The following TRPV4 variants were observed in gnomAD, a reference collection of about 807,000 sequenced individuals.
The protein encoded by TRPV4 is transient receptor potential cation channel subfamily V member 4.
TRPV4 carries 58 observed loss-of-function variants against 84.1 expected under a neutral mutation model. The ratio of observed to expected loss-of-function variants is 0.69; its 90% CI spans 0.56 to 0.86. TRPV4 has a LOEUF of 0.86. TRPV4 is among the 40% of genes least tolerant of loss of function. TRPV4 has a pLI of 0.00. For synonymous variants in TRPV4, 489 were observed against 500.9 expected (o/e 0.98, Z 0.32); for missense variants, 879 against 1,181.1 (o/e 0.74, Z 3.75).
chr12:109,783,318 C>T lies in TRPV4; in HGVS notation c.*303G>A, dbSNP rs909596433. The stretch of plus-strand genomic sequence containing the variant: ...CAGGTTCCAGCTGGGGCAGGGGTCA[C>T]GTCGCTTCCTGAGAGCAGAGCAAAT... On this transcript the variant is annotated 3_prime_UTR_variant, in exon 16 of 16. Transcript: ENST00000261740. This position sits in a 1 kb window ranked among gnomAD's most constrained non-coding sequence, Gnocchi z 4.6. 3.3e-5 allele frequency: 11 copies of T among 336,512 alleles called. No homozygotes were observed. The highest frequency in any genetic ancestry group is 5.4e-5 in the Non-Finnish European group (10 of 184,232). The allele number at this position is 336,512 out of a possible 1,614,324, so 20.8% of individuals were successfully genotyped here. A position where few individuals can be genotyped will look rare whatever the true frequency, so the allele number is the denominator to read the frequency against.
At chr12:109,833,091 C>CA (rs1332446932) in intron 1 of TRPV4, among the ~76,000 whole-genome samples, 1 of 152,190 alleles carries the variant, frequency 6.6e-6, no homozygotes, top group Non-Finnish European at 1.5e-5. Flanking sequence ...GCCCTCCCCC[C>CA]AGACCTGCTA....
intron 1 of TRPV4, among the ~76,000 whole-genome samples, chr12:109,833,002 C>A (rs1436607602): frequency 6.6e-6 from 1 of 152,178 alleles, no homozygotes; most frequent in Non-Finnish European, 1.5e-5. Flanking sequence ...CCCCGAAATC[C>A]CTCTTCCAAG....
intron 3 of TRPV4, among the ~76,000 whole-genome samples, chr12:109,804,297 A>G (rs1162458797): frequency 1.3e-5 from 2 of 152,188 alleles, no homozygotes; most frequent in African/African-American, 2.4e-5. Flanking sequence ...TGAATCAAGG[A>G]CAGGGCAAAA....
At position 109,798,156 on chromosome 12, in the gene TRPV4, T is replaced by G. The variant is rs1170944730; in HGVS notation, c.1152+458A>C. Among the ~76,000 whole-genome samples the G allele has an allele frequency of 1.3e-5, 2 of 152,138 alleles. No individual in the cohort carries two copies. Among genetic ancestry groups the G allele is most frequent in the Non-Finnish European group, 2.9e-5 (2 of 68,022 alleles). ...TAGAGGCCCGGGATGCAGATCAATG[T>G]CTGGCAATAGCACAAGACGGTCCCC... is the stretch of plus-strand genomic sequence containing the variant. On this transcript the variant is annotated intron_variant, in intron 6 of 15. Coordinates refer to ENST00000261740, the MANE Select transcript of TRPV4 (RefSeq NM_021625.5). The surrounding 1 kb of genome is among the most constrained non-coding windows in gnomAD (Gnocchi z 5.0).
chr12:109,829,031 T>C (rs1892342858), intron 1 of TRPV4, among the ~76,000 whole-genome samples: 1 of 152,010 alleles, frequency 6.6e-6, no homozygotes, highest in Non-Finnish European at 1.5e-5. Context: ...AAAAAACCTT[T>C]TTTTTTAATA....
At chr12:109,795,637 A>G (rs1359858577) in intron 7 of TRPV4, among the ~76,000 whole-genome samples, 4 of 152,230 alleles carry the variant, frequency 2.6e-5, no homozygotes, top group East Asian at 1.9e-4. Context: ...TCATTTGAAT[A>G]TGGTATGTTT....
intron 1 of TRPV4, among the ~76,000 whole-genome samples, chr12:109,824,835 C>T (rs890566066): frequency 2.6e-5 from 4 of 152,180 alleles, no homozygotes; most frequent in African/African-American, 9.7e-5. Context: ...CGGAGAACTC[C>T]AGAGAGGATT....
intron 4 of TRPV4, among the ~76,000 whole-genome samples, chr12:109,800,968 T>C (rs916177535): frequency 6.6e-6 from 1 of 152,246 alleles, no homozygotes; most frequent in Non-Finnish European, 1.5e-5. Context: ...GAAGGATACC[T>C]AGTTTGTGGA....
chr12:109,820,697 A>AT lies in TRPV4; in HGVS notation c.-31-5871dup, dbSNP rs373735945. 8.6e-3 allele frequency among the ~76,000 whole-genome samples: 1,302 copies of AT among 150,730 alleles called. 27 individuals are homozygous for AT. Among genetic ancestry groups the AT allele is most frequent in the African/African-American group, 0.031 (1,254 of 40,974 alleles). ...CCACCACGCCCGGCTAATTTTTTGT[A>AT]TTTTTTTAGTACAGACGGGGTTTCA... is the stretch of plus-strand genomic sequence containing the variant. On this transcript the variant is annotated intron_variant, in intron 1 of 15. Coordinates refer to ENST00000261740, the MANE Select transcript of TRPV4 (RefSeq NM_021625.5).
At chr12:109,790,054 A>G (rs946949105) in intron 12 of TRPV4, among the ~76,000 whole-genome samples, 9 of 152,216 alleles carry the variant, frequency 5.9e-5, no homozygotes, top group Admixed American at 5.9e-4. Flanking sequence ...CCTGACCTGA[A>G]TCCCAAACTG....
At chr12:109,809,877 GAGGCCATGCTCA>G (rs1891414602) in intron 2 of TRPV4, among the ~76,000 whole-genome samples, 1 of 152,234 alleles carries the variant, frequency 6.6e-6, no homozygotes, top group East Asian at 1.9e-4. Context: ...TGAGACAAAT[GAGGCCATGCTCA>G]TATGTACCTG....
At chr12:109,818,415 T>C (rs2136685450) in intron 1 of TRPV4, among the ~76,000 whole-genome samples, 1 of 151,326 alleles carries the variant, frequency 6.6e-6, no homozygotes, top group Middle Eastern at 3.4e-3. Context: ...GGTATTGCAA[T>C]CATTCCCATT....
At chr12:109,792,575 G>A in intron 11 of TRPV4, 77 bp downstream of exon 11, 2 of 1,593,602 alleles carry the variant, frequency 1.3e-6, no homozygotes, top group South Asian at 1.1e-5. Flanking sequence ...AGGTCTGCAG[G>A]TGCATAAGTG....
At chr12:109,817,687 C>T (rs960070267) in intron 1 of TRPV4, among the ~76,000 whole-genome samples, 6 of 152,246 alleles carry the variant, frequency 3.9e-5, no homozygotes, top group African/African-American at 1.4e-4. Flanking sequence ...TCACCATCCT[C>T]GCCTGATGAC....
chr12:109,806,745 C>A (rs1891160010), intron 3 of TRPV4, among the ~76,000 whole-genome samples: 1 of 151,092 alleles, frequency 6.6e-6, no homozygotes, highest in Admixed American at 6.6e-5. Context: ...CCTGTAGTCC[C>A]AACTACTCTC....
rs1889685231 is a variant in TRPV4, at chr12:109,786,387, G to A, written c.2336+323C>T. Among the ~76,000 whole-genome samples, 1 of 152,198 alleles carries A rather than the reference G, an allele frequency of 6.6e-6. No individual in the cohort carries two copies. The highest frequency in any genetic ancestry group is 1.5e-5 in the Non-Finnish European group (1 of 68,030). ...ACCATCCAAGTCTCTGCTTCCCCCT[G>A]AGCAAGAACAGGGGAGCCTGTGGCG... On this transcript the variant is annotated intron_variant, in intron 14 of 15. Coordinates refer to ENST00000261740, the MANE Select transcript of TRPV4 (RefSeq NM_021625.5). The surrounding 1 kb of genome is among the most constrained non-coding windows in gnomAD (Gnocchi z 4.5).
intron 2 of TRPV4, among the ~76,000 whole-genome samples, chr12:109,810,095 T>A (rs1002982328): frequency 6.6e-6 from 1 of 152,126 alleles, no homozygotes. Flanking sequence ...AAACAGACAC[T>A]AAGAGCTGGA....
In TRPV4 at chr12:109,802,861, T is replaced by A. The variant is rs996481935; in HGVS notation, c.712+130A>T. 6 of 895,260 alleles carry A rather than the reference T, an allele frequency of 6.7e-6. No homozygotes were observed. The African/African-American group carries it at 9.8e-5, about 15-fold the overall frequency. The allele number at this position is 895,260 out of a possible 1,614,324, so 55.5% of individuals were successfully genotyped here. On this transcript the variant is annotated intron_variant, in intron 4 of 15. Transcript: ENST00000261740. The stretch of plus-strand genomic sequence containing the variant: ...ATGCATCCATCCATCCATCCATCCA[T>A]CCATCCATTTGTCAGGTCCTGGGTA...
At position 109,794,008 on chromosome 12, in the gene TRPV4, G is replaced by A. The variant is rs763433805; in HGVS notation, c.1506C>T (p.Tyr502=). ...QPLEGTPPYP[Y]RTTVDYLRLA... ...GCCGCAGGTAGTCCACCGTGGTGCG[G>A]TAAGGGTACGGCGGCTGGGGAGCAG... is the stretch of plus-strand genomic sequence containing the variant. Residue 502 remains tyrosine, a synonymous_variant, in exon 9 of 16, where the codon TAC becomes TAT. Transcript: ENST00000261740. 4 of 1,607,830 alleles carry A rather than the reference G, an allele frequency of 2.5e-6. No individual in the cohort carries two copies.
Sources: gnomAD v4.1 joint callset for allele counts (sites outside exome capture counted in the v4.1 genomes callset) on GRCh38, gnomAD v4.1.1 for gene constraint, Gnocchi (gnomAD v3.1) non-coding constraint, MANE v1.5 for transcripts, NCBI Gene and HGNC (gene_info 2026-07-23, HGNC 2026-07-21) for gene names.